The following PANK4 variants were observed in gnomAD, a reference collection of about 807,000 sequenced individuals.
PANK4 encodes the protein pantothenate kinase 4 (inactive), also known as 4'-phosphopantetheine phosphatase.
In PANK4, 40 loss-of-function variants were observed where a neutral mutation model predicts 87.9. That is an observed-to-expected ratio of 0.46 (90% CI 0.35 to 0.59). The LOEUF is 0.59. Among genes scored for constraint, PANK4 ranks in the 20% least tolerant of loss-of-function variants. PANK4 has a pLI of 0.00. For missense variants in PANK4, 926 were observed against 1,072.3 expected (o/e 0.86, Z 1.90); for synonymous variants, 524 against 467.4 (o/e 1.12, Z -1.56).
In PANK4 at chr1:2,520,312, T is replaced by A; in HGVS notation, c.699+10A>T. ...AGACCCCTGGAAGGTCTCTGGCAGC[T>A]GCCGCATACCTTCGTTTTGGTGAGC... On this transcript the variant is annotated intron_variant, in intron 5 of 18. Transcript: ENST00000378466. This position sits in a 1 kb window ranked among gnomAD's most constrained non-coding sequence, Gnocchi z 6.2. The A allele has an allele frequency of 2.5e-6, 4 of 1,611,524 alleles. No homozygotes were observed. The highest frequency in any genetic ancestry group is 3.4e-6 in the Non-Finnish European group (4 of 1,178,718).
chr1:2,512,800 G>A, intron 13 of PANK4, 88 bp downstream of exon 13: 1 of 1,379,102 alleles, frequency 7.3e-7, no homozygotes, highest in Middle Eastern at 2.4e-4. Context: ...GACCCCCAAG[G>A]GACCCGCTCC....
rs1570529711 is a variant in PANK4 at position 2,509,802 on chromosome 1, G to A, written c.2108+60C>T. 6.8e-7 allele frequency: 1 copy of A among 1,471,902 alleles called. No homozygotes were observed. Among genetic ancestry groups the A allele is most frequent in the Middle Eastern group, 2.4e-4 (1 of 4,212 alleles). 91.2% of individuals were successfully genotyped at this position (1,471,902 alleles called of 1,614,324 possible). On this transcript the variant is annotated intron_variant, in intron 18 of 18. Coordinates refer to ENST00000378466, the MANE Select transcript of PANK4 (RefSeq NM_018216.4). This position sits in a 1 kb window ranked among gnomAD's most constrained non-coding sequence, Gnocchi z 4.9. ...GTCCCGCATGCACCTGGGTGCAGGTGCACGGCACAGAGGGCACAGAGCCCA... is the reference window on the plus strand; with the variant it reads ...GTCCCGCATGCACCTGGGTGCAGGTACACGGCACAGAGGGCACAGAGCCCA...
Position 2,510,061 on chromosome 1 carries a change from C to T in PANK4, c.2035G>A (p.Val679Met), listed in dbSNP as rs375430738. ...AERIAGMDPV[V>M]HSALQEERLL... ...GCACTGCCCGCCAACACTCACTGCA[C>T]GACAGGGTCCATGCCCGCAATACGC... Residue 679 changes from valine (V) to methionine (M), a missense_variant, in exon 17 of 19, where the codon GTG (valine) becomes ATG (methionine). By Grantham distance (21) the Val-to-Met change is conservative (BLOSUM62 1). Coordinates refer to ENST00000378466, the MANE Select transcript of PANK4 (RefSeq NM_018216.4). This position sits in a 1 kb window ranked among gnomAD's most constrained non-coding sequence, Gnocchi z 4.9. 1.4e-5 allele frequency: 22 copies of T among 1,607,814 alleles called. No individual in the cohort carries two copies. The highest frequency in any genetic ancestry group is 1.5e-5 in the Non-Finnish European group (18 of 1,177,080).
chr1:2,512,842 G>C, intron 13 of PANK4, 46 bp downstream of exon 13: 2 of 1,596,522 alleles, frequency 1.3e-6, no homozygotes, highest in South Asian at 2.2e-5. Flanking sequence ...GGGCAGGACA[G>C]GCACCCACAG....
At chr1:2,523,414 A>C (rs1300813602) in intron 1 of PANK4, among the ~76,000 whole-genome samples, 2 of 152,326 alleles carry the variant, frequency 1.3e-5, no homozygotes. Flanking sequence ...GACTCACCTC[A>C]GTAAATAAAT....
In PANK4 at chr1:2,518,531, C is replaced by G. The variant is rs990860927; in HGVS notation, c.1102G>C (p.Gly368Arg). 6.4e-7 allele frequency: 1 copy of G among 1,568,244 alleles called. No homozygotes were observed. Among genetic ancestry groups the G allele is most frequent in the Admixed American group, 1.9e-5 (1 of 53,754 alleles). ...CGCGACTCACTGTCCTGCTCAGCTC[C>G]TTTCAGGAACGCTCCGATGGCTCCC... Reference protein sequence around the residue: ...YLGAIGAFLKGAEQDNPNQYS... With the variant: ...YLGAIGAFLKRAEQDNPNQYS... The change falls in exon 8 of 19, where the codon GGA (glycine) becomes CGA (arginine). Residue 368 changes from glycine to arginine, a missense_variant. Physicochemically the swap from Gly to Arg is moderately radical, Grantham distance 125. Transcript: ENST00000378466.
rs763674334 is a variant in PANK4, at chr1:2,520,697, C to T, written c.606+26G>A. On this transcript the variant is annotated intron_variant, in intron 4 of 18. Transcript: ENST00000378466. This position sits in a 1 kb window ranked among gnomAD's most constrained non-coding sequence, Gnocchi z 6.2. ...ACAAACTATGGCTAAACCATCCACT[C>T]ATTCATTCATGAAGCCGGGTCTTAC... The T allele has an allele frequency of 6.3e-7, 1 of 1,598,580 alleles. No homozygotes were observed. Among genetic ancestry groups the T allele is most frequent in the Middle Eastern group, 1.7e-4 (1 of 6,012 alleles).
chr1:2,515,625 G>T lies in PANK4; in HGVS notation c.1311C>A (p.Asp437Glu). Residue 437 changes from aspartate (D) to glutamate (E), a missense_variant, in exon 10 of 19, where the codon GAC (aspartate) becomes GAA (glutamate). Asp to Glu is a conservative substitution (Grantham distance 45). Transcript: ENST00000378466. The surrounding 1 kb of genome is among the most constrained non-coding windows in gnomAD (Gnocchi z 5.0). ...DPPSYVPDTV[D>E]LTDDALARKY... The stretch of plus-strand genomic sequence containing the variant: ...TTCGGGCCAGAGCGTCATCGGTGAG[G>T]TCCACCGTGTCGGGCACGTAGGAGG... 1 of 1,613,276 alleles carries T rather than the reference G, an allele frequency of 6.2e-7. No homozygotes were observed. The highest frequency in any genetic ancestry group is 2.2e-5 in the East Asian group (1 of 44,864).
At chr1:2,511,423 G>A (rs767593209) in intron 14 of PANK4, 36 bp from the exon 15 acceptor site, 3 of 1,540,490 alleles carry the variant, frequency 1.9e-6, no homozygotes, top group East Asian at 2.2e-5. Flanking sequence ...TTAGCCCGGT[G>A]CTCCAGGTCA....
Position 2,519,748 on chromosome 1 carries a change from C to A in PANK4, c.853+53G>T. On this transcript the variant is annotated intron_variant, in intron 6 of 18. Coordinates refer to ENST00000378466, the MANE Select transcript of PANK4 (RefSeq NM_018216.4). The surrounding 1 kb of genome is among the most constrained non-coding windows in gnomAD (Gnocchi z 8.3). ...GTGGGGGAAGCTCCTGTCCGTGAGA[C>A]CCCAAGTGTCCCCACCATCCTGCTC... 1 of 1,495,398 alleles carries A rather than the reference C, an allele frequency of 6.7e-7. No individual in the cohort carries two copies. The highest frequency in any genetic ancestry group is 9.0e-7 in the Non-Finnish European group (1 of 1,117,012). 92.6% of individuals were successfully genotyped at this position (1,495,398 alleles called of 1,614,324 possible). A position where few individuals can be genotyped will look rare whatever the true frequency, so the allele number is the denominator to read the frequency against.
intron 1 of PANK4, among the ~76,000 whole-genome samples, chr1:2,523,443 A>G (rs1022976570): frequency 6.6e-6 from 1 of 152,242 alleles, no homozygotes; most frequent in African/African-American, 2.4e-5. Context: ...AAAACGACAG[A>G]TGATGCAAGA....
intron 1 of PANK4, among the ~76,000 whole-genome samples, chr1:2,523,843 G>C (rs1330352820): frequency 6.6e-6 from 1 of 152,264 alleles, no homozygotes; most frequent in Non-Finnish European, 1.5e-5. Context: ...GCAAGGCAGT[G>C]ACAGGAGTGC....
intron 9 of PANK4, among the ~76,000 whole-genome samples, chr1:2,516,157 AG>A (rs1205594086): frequency 6.6e-6 from 1 of 152,078 alleles, no homozygotes; most frequent in Non-Finnish European, 1.5e-5. Context: ...CTGGTCCTCC[AG>A]GTGGCCGTGT....
At position 2,510,343 on chromosome 1, in the gene PANK4, C is replaced by G. The variant is rs78188579; in HGVS notation, c.1939-186G>C. On this transcript the variant is annotated intron_variant, in intron 16 of 18. Coordinates refer to ENST00000378466, the MANE Select transcript of PANK4 (RefSeq NM_018216.4). This position sits in a 1 kb window ranked among gnomAD's most constrained non-coding sequence, Gnocchi z 4.9. ...CCACTCTGTGGCCCCTGGGAGGGAG[C>G]TGAGCCGAGGGGCAGAGCTGAGTTT... 23 of 616,688 alleles carry G rather than the reference C, an allele frequency of 3.7e-5. No individual in the cohort carries two copies. The African/African-American group carries it at 3.9e-4, about 10-fold the overall frequency. The allele number at this position is 616,688 out of a possible 1,614,324, so 38.2% of individuals were successfully genotyped here. A position where few individuals can be genotyped will look rare whatever the true frequency, so the allele number is the denominator to read the frequency against.
In PANK4 at chr1:2,514,336, G is replaced by T. The variant is rs371843410; in HGVS notation, c.1487+18C>A. On this transcript the variant is annotated intron_variant, in intron 11 of 18. Coordinates refer to ENST00000378466, the MANE Select transcript of PANK4 (RefSeq NM_018216.4). ...TGGATGGAAGAGGTGGCCACACACC[G>T]GGGTGCTGGGCACTTACAAGGGCTG... 1.0e-5 allele frequency: 16 copies of T among 1,563,134 alleles called. 1 individual carries two copies. The Admixed American group carries it at 2.7e-4, about 26-fold the overall frequency.
At position 2,510,171 on chromosome 1, in the gene PANK4, GC is replaced by G. The variant is rs2100768904; in HGVS notation, c.1939-15del. On this transcript the variant is annotated splice_polypyrimidine_tract_variant and intron_variant, in intron 16 of 18. Coordinates refer to ENST00000378466, the MANE Select transcript of PANK4 (RefSeq NM_018216.4). The surrounding 1 kb of genome is among the most constrained non-coding windows in gnomAD (Gnocchi z 4.9). ...CGCCAGGATGACCTGCAGGAGGAGG[GC>G]CCAGGCTCTTTAGGAACCTGTGCTG... 1 of 1,544,514 alleles carries G rather than the reference GC, an allele frequency of 6.5e-7. No homozygotes were observed. Among genetic ancestry groups the G allele is most frequent in the Non-Finnish European group, 8.9e-7 (1 of 1,127,540 alleles).
rs958909618 is a variant in PANK4, at chr1:2,518,154, C to CACT, written c.1218+7_1218+9dup. On this transcript the variant is annotated intron_variant, in intron 9 of 18. Transcript: ENST00000378466. Reference sequence around the variant, plus strand: ...CCTGGGGCCCGGGGCGGCCAGAGCCCACTACTCACAGTGCCACTCCGCGCC... The same window carrying CACT: ...CCTGGGGCCCGGGGCGGCCAGAGCCCACTACTACTCACAGTGCCACTCCGCGCC... The CACT allele has an allele frequency of 1.3e-6, 2 of 1,580,126 alleles. No individual in the cohort carries two copies. The highest frequency in any genetic ancestry group is 1.3e-5 in the African/African-American group (1 of 74,262).
At chr1:2,524,018 T>C (rs1004415887) in intron 1 of PANK4, among the ~76,000 whole-genome samples, 4 of 152,168 alleles carry the variant, frequency 2.6e-5, no homozygotes, top group Admixed American at 2.0e-4. Context: ...TTCTCTCTGG[T>C]CCTGTGTTTC....
Position 2,518,502 on chromosome 1 carries a change from G to T in PANK4, c.1117+14C>A. The T allele has an allele frequency of 6.4e-7, 1 of 1,552,802 alleles. No individual in the cohort carries two copies. Among genetic ancestry groups the T allele is most frequent in the Non-Finnish European group, 8.7e-7 (1 of 1,146,710 alleles). On this transcript the variant is annotated intron_variant, in intron 8 of 18. Transcript: ENST00000378466. ...GGCCCCACGCTGCTCAGGGGCGCCAGCACCGCGACTCACTGTCCTGCTCAG... is the reference window on the plus strand; with the variant it reads ...GGCCCCACGCTGCTCAGGGGCGCCATCACCGCGACTCACTGTCCTGCTCAG...
Sources: gnomAD v4.1 joint callset for allele counts (sites outside exome capture counted in the v4.1 genomes callset) on GRCh38, gnomAD v4.1.1 for gene constraint, Gnocchi (gnomAD v3.1) non-coding constraint, MANE v1.5 for transcripts, NCBI Gene and HGNC (gene_info 2026-07-23, HGNC 2026-07-21) for gene names.